Variants in GYPB observed in about 807,000 individuals in gnomAD.
GYPB encodes glycophorin-B.
GYPB carries 13 observed loss-of-function variants against 15.3 expected under a neutral mutation model. The observed-to-expected ratio is 0.85, with a 90% CI of 0.55 to 1.35. GYPB has a LOEUF of 1.35. GYPB is among the 40% of genes most tolerant of loss of function. The pLI is 0.00. For missense variants in GYPB, 131 were observed against 108.3 expected (o/e 1.21, Z -0.93); for synonymous variants, 38 against 36.9 (o/e 1.03, Z -0.11).
At chr4:144,010,989 A>T (rs1355498906) in intron 1 of GYPB, among the ~76,000 whole-genome samples, 1 of 151,644 alleles carries the variant, frequency 6.6e-6, no homozygotes, top group Non-Finnish European at 1.5e-5. Flanking sequence ...ATGAAATAGG[A>T]TAACAGAAAT....
At chr4:143,996,692 C>A (rs567526277) in intron 4 of GYPB, among the ~76,000 whole-genome samples, 1 of 150,712 alleles carries the variant, frequency 6.6e-6, no homozygotes, top group African/African-American at 2.5e-5. Context: ...ATCACTTGAA[C>A]CAGGGAGGCA....
chr4:144,006,577 A>T (rs1560710176), intron 1 of GYPB, among the ~76,000 whole-genome samples: 1 of 151,996 alleles, frequency 6.6e-6, no homozygotes, highest in Admixed American at 6.5e-5. Context: ...GTTTTGCTGT[A>T]TGCCAAAACT....
At chr4:144,000,432 T>C in intron 2 of GYPB, 1 of 1,175,202 alleles carries the variant, frequency 8.5e-7, no homozygotes, top group South Asian at 1.5e-5. Flanking sequence ...TTTCTGAAAC[T>C]TCATTAGCAG....
chr4:144,004,245 T>G (rs1184877745), intron 1 of GYPB, among the ~76,000 whole-genome samples: 1 of 6,314 alleles, frequency 1.6e-4, no homozygotes, highest in Non-Finnish European at 1.4e-3. Flanking sequence ...ATAAAAATTG[T>G]TTTTTATATC....
chr4:144,013,802 G>T (rs1460535591), intron 1 of GYPB, among the ~76,000 whole-genome samples: 2 of 150,878 alleles, frequency 1.3e-5, no homozygotes, highest in Non-Finnish European at 2.9e-5. Flanking sequence ...GGATAGCATC[G>T]GGAGATATAC....
At position 144,019,271 on chromosome 4, in the gene GYPB, A is replaced by T. The variant is rs1401029525; in HGVS notation, c.17T>A (p.Ile6Asn). MYGKIIFVLLLSEIVS... is the reference protein window; with the variant it reads MYGKINFVLLLSEIVS... ...CTTACCTGACAATAGTAATACAAAG[A>T]TTATTTTTCCATACATCCTGAGATC... Residue 6 changes from isoleucine to asparagine, a missense_variant, in exon 1 of 5, where the codon ATC becomes AAC. Physicochemically the swap from Ile to Asn is moderately radical, Grantham distance 149. Transcript: ENST00000502664. The T allele has an allele frequency of 1.2e-6, 2 of 1,611,692 alleles. No individual in the cohort carries two copies. The highest frequency in any genetic ancestry group is 1.7e-6 in the Non-Finnish European group (2 of 1,179,460).
intron 2 of GYPB, among the ~76,000 whole-genome samples, chr4:143,999,702 G>T (rs535795676): frequency 1.3e-5 from 2 of 151,498 alleles, no homozygotes; most frequent in African/African-American, 4.9e-5. Flanking sequence ...TCTCATAACT[G>T]AGGGGAAAGG....
chr4:144,014,581 A>G (rs1444667686), intron 1 of GYPB, among the ~76,000 whole-genome samples: 3 of 151,386 alleles, frequency 2.0e-5, no homozygotes, highest in Non-Finnish European at 4.4e-5. Flanking sequence ...TAAAATGGGT[A>G]AATCTGTAGA....
chr4:144,002,921 A>T (rs1309544797), intron 1 of GYPB, among the ~76,000 whole-genome samples: 2 of 151,166 alleles, frequency 1.3e-5, no homozygotes, highest in Non-Finnish European at 2.9e-5. Flanking sequence ...ACCTGATTCC[A>T]TCATGTGTTT....
chr4:144,014,921 T>C (rs1375438087), intron 1 of GYPB, among the ~76,000 whole-genome samples: 1 of 151,554 alleles, frequency 6.6e-6, no homozygotes, highest in Non-Finnish European at 1.5e-5. Flanking sequence ...CTGCTGTATA[T>C]AAATCTAGGG....
At chr4:143,996,931 T>G (rs1727348626) in intron 4 of GYPB, among the ~76,000 whole-genome samples, 1 of 151,064 alleles carries the variant, frequency 6.6e-6, no homozygotes, top group South Asian at 2.1e-4. Flanking sequence ...TATTGAGACA[T>G]GGTCTCACTC....
In GYPB at chr4:144,018,093, C is replaced by T. The variant is rs548035032; in HGVS notation, c.37+1158G>A. Among the ~76,000 whole-genome samples, 311 of 151,218 alleles carry T rather than the reference C, an allele frequency of 2.1e-3. 3 individuals are homozygous for T. Among genetic ancestry groups the T allele is most frequent in the Non-Finnish European group, 3.2e-3 (215 of 67,992 alleles). ...TAGTTAATTCTAATCATAGAAAATGCGTAGTACGCTTAACATTTTACTTTG... is the reference window on the plus strand; with the variant it reads ...TAGTTAATTCTAATCATAGAAAATGTGTAGTACGCTTAACATTTTACTTTG... On this transcript the variant is annotated intron_variant, in intron 1 of 4. Transcript: ENST00000502664.
Position 144,009,747 on chromosome 4 carries a change from G to A in GYPB, c.38-8464C>T, listed in dbSNP as rs1444175361. 2.7e-5 allele frequency among the ~76,000 whole-genome samples: 4 copies of A among 148,430 alleles called. No homozygotes were observed. The East Asian group carries it at 5.9e-4, about 22-fold the overall frequency. ...TCCTGCCTCAGCCTCCCAAGTAGCT[G>A]GGACTACAGGCACCCGCCACCAAGC... On this transcript the variant is annotated intron_variant, in intron 1 of 4. Transcript: ENST00000502664.
At chr4:144,011,440 A>G (rs1400995557) in intron 1 of GYPB, among the ~76,000 whole-genome samples, 2 of 151,314 alleles carry the variant, frequency 1.3e-5, no homozygotes, top group African/African-American at 2.5e-5. Flanking sequence ...ATCTTAGGCA[A>G]AGTAGAATTA....
chr4:144,012,009 A>T (rs1728243784), intron 1 of GYPB, among the ~76,000 whole-genome samples: 1 of 152,132 alleles, frequency 6.6e-6, no homozygotes, highest in African/African-American at 2.4e-5. Context: ...TATAATGATG[A>T]CTGGGAAATA....
chr4:144,008,028 G>A (rs1728014256), intron 1 of GYPB, among the ~76,000 whole-genome samples: 1 of 151,422 alleles, frequency 6.6e-6, no homozygotes, highest in Non-Finnish European at 1.5e-5. Context: ...AACACTTACT[G>A]CACACTTACT....
chr4:144,016,613 A>G lies in GYPB; in HGVS notation c.37+2638T>C, dbSNP rs1258220199. 3.3e-5 allele frequency among the ~76,000 whole-genome samples: 5 copies of G among 151,344 alleles called. 1 individual carries two copies. Among genetic ancestry groups the G allele is most frequent in the African/African-American group, 9.8e-5 (4 of 40,670 alleles). ...CTTTGTTTCCTCCCATTAAATTAGT[A>G]TGTTATGACCTAGAATGCAAATTTT... On this transcript the variant is annotated intron_variant, in intron 1 of 4. Coordinates refer to ENST00000502664, the MANE Select transcript of GYPB (RefSeq NM_002100.6).
chr4:144,009,601 C>CTTTT (rs55807150), intron 1 of GYPB, among the ~76,000 whole-genome samples: 102 of 57,786 alleles, frequency 1.8e-3, no homozygotes, highest in African/African-American at 5.8e-3. Context: ...TTTTTTCTTT[C>CTTTT]TTTTTTTTTT....
chr4:143,997,453 T>C (rs968819308), intron 4 of GYPB, 87 bp downstream of exon 4: 132 of 772,096 alleles, frequency 1.7e-4, no homozygotes, highest in Non-Finnish European at 3.7e-5. Context: ...CTGTTTCTCT[T>C]CTGAGTTTAA....
Sources: allele counts gnomAD v4.1 joint callset (sites outside exome capture counted in the v4.1 genomes callset), GRCh38; gene constraint gnomAD v4.1.1; transcripts MANE v1.5; gene names NCBI Gene and HGNC (gene_info 2026-07-23, HGNC 2026-07-21).